Variants in TLE4 observed in about 807,000 individuals in gnomAD.
TLE4 encodes transducin-like enhancer protein 4.
Under a neutral mutation model 92.8 loss-of-function variants are expected in TLE4, and 8 were observed. The observed-to-expected ratio is 0.09, with a 90% CI of 0.05 to 0.16. The LOEUF (loss-of-function observed/expected upper bound fraction) is 0.16, where lower values mean the gene tolerates loss of function less well. TLE4 is among the 10% of genes least tolerant of loss of function. The pLI is 1.00. For synonymous variants in TLE4, 371 were observed against 374.1 expected, an observed-to-expected ratio of 0.99 and a Z score of 0.10; for missense variants, 675 against 997.6, an observed-to-expected ratio of 0.68 and a Z score of 4.36.
At chr9:79,655,975 G>A (rs1337459113) in intron 8 of TLE4, among the ~76,000 whole-genome samples, 1 of 152,190 alleles carries the variant, frequency 6.6e-6, no homozygotes, top group Non-Finnish European at 1.5e-5. Context: ...CATTCAGGGT[G>A]AGCCTGGAAA....
intron 5 of TLE4, among the ~76,000 whole-genome samples, chr9:79,615,750 G>A (rs2049413650): frequency 6.6e-6 from 1 of 152,250 alleles, no homozygotes; most frequent in East Asian, 1.9e-4. Flanking sequence ...TACTTGAAGT[G>A]TGTCTGTATA....
chr9:79,632,158 C>T (rs1403072595), intron 6 of TLE4, among the ~76,000 whole-genome samples: 1 of 152,100 alleles, frequency 6.6e-6, no homozygotes, highest in Admixed American at 6.6e-5. Context: ...GGAATCCACC[C>T]TTCACTTACA....
intron 6 of TLE4, among the ~76,000 whole-genome samples, chr9:79,635,907 G>C (rs1359588335): frequency 6.6e-6 from 1 of 152,008 alleles, no homozygotes; most frequent in Non-Finnish European, 1.5e-5. Context: ...GAAGGGAAAG[G>C]GTCTAAGCTC....
At chr9:79,657,584 G>C (rs1349946031) in intron 8 of TLE4, among the ~76,000 whole-genome samples, 3 of 152,108 alleles carry the variant, frequency 2.0e-5, no homozygotes, top group Non-Finnish European at 4.4e-5. Context: ...CAGCTGCCCA[G>C]ACTGAACCAG....
chr9:79,572,386 T>C lies in TLE4; in HGVS notation c.-405T>C, dbSNP rs2036049877. On this transcript the variant is annotated 5_prime_UTR_variant, in exon 1 of 20. Coordinates refer to ENST00000376552, the MANE Select transcript of TLE4 (RefSeq NM_007005.6). The stretch of plus-strand genomic sequence containing the variant: ...CAATTAAAAGACAAATAAAAAAAGT[T>C]TGGAGTGGGACGCAGAGCGAGCGAG... 6.6e-6 allele frequency: 1 copy of C among 151,954 alleles called. No individual in the cohort carries two copies. The highest frequency in any genetic ancestry group is 2.4e-5 in the African/African-American group (1 of 41,366). The allele number at this position is 151,954 out of a possible 1,614,324, so 9.4% of individuals were successfully genotyped here.
chr9:79,613,004 G>A (rs2048712957), intron 5 of TLE4, among the ~76,000 whole-genome samples: 1 of 152,042 alleles, frequency 6.6e-6, no homozygotes, highest in African/African-American at 2.4e-5. Context: ...AATTATGCTT[G>A]TTTGTCATAA....
chr9:79,720,372 G>C, intron 16 of TLE4, 79 bp downstream of exon 16: 1 of 1,177,000 alleles, frequency 8.5e-7, no homozygotes, highest in East Asian at 2.8e-5. Context: ...GTGTATATAG[G>C]TATGGGTGTG....
intron 4 of TLE4, among the ~76,000 whole-genome samples, chr9:79,599,956 G>A (rs1238090788): frequency 6.6e-6 from 1 of 152,128 alleles, no homozygotes; most frequent in Non-Finnish European, 1.5e-5. Context: ...CACCTATGAT[G>A]TGAGCTCCAT....
At chr9:79,721,069 A>G (rs2075553520) in intron 16 of TLE4, among the ~76,000 whole-genome samples, 2 of 152,214 alleles carry the variant, frequency 1.3e-5, no homozygotes, top group Admixed American at 1.3e-4. Context: ...AGGCTTTACT[A>G]TCTGTTATTT....
intron 4 of TLE4, among the ~76,000 whole-genome samples, chr9:79,611,252 T>C (rs1415452296): frequency 3.9e-5 from 6 of 152,038 alleles, no homozygotes; most frequent in Non-Finnish European, 8.8e-5. Flanking sequence ...AAATGCTCCA[T>C]GGGGCCAGTG....
intron 8 of TLE4, among the ~76,000 whole-genome samples, chr9:79,662,668 T>G (rs1250664187): frequency 3.3e-5 from 5 of 152,164 alleles, no homozygotes; most frequent in Admixed American, 6.5e-5. Context: ...TCCTTCGATG[T>G]AAACAAATAA....
chr9:79,648,954 C>A (rs2058508180), intron 6 of TLE4, among the ~76,000 whole-genome samples: 1 of 152,100 alleles, frequency 6.6e-6, no homozygotes, highest in Non-Finnish European at 1.5e-5. Flanking sequence ...GAGAAAAAAT[C>A]AAGAAGGATA....
intron 6 of TLE4, among the ~76,000 whole-genome samples, chr9:79,651,812 G>T (rs1346748797): frequency 6.6e-6 from 1 of 152,148 alleles, no homozygotes; most frequent in Non-Finnish European, 1.5e-5. Flanking sequence ...CTCCCTGCAT[G>T]CTGTGCAGTG....
chr9:79,613,548 A>C (rs544537563), intron 5 of TLE4, among the ~76,000 whole-genome samples: 1 of 152,300 alleles, frequency 6.6e-6, no homozygotes, highest in East Asian at 1.9e-4. Flanking sequence ...TGCTCAGGTA[A>C]GATCCACTCT....
At chr9:79,580,558 GACC>G (rs1361501137) in intron 4 of TLE4, among the ~76,000 whole-genome samples, 1 of 152,172 alleles carries the variant, frequency 6.6e-6, no homozygotes, top group African/African-American at 2.4e-5. Context: ...GTTCATTTTA[GACC>G]ACATTTCCCT....
chr9:79,602,786 T>C (rs1395925455), intron 4 of TLE4, among the ~76,000 whole-genome samples: 1 of 152,148 alleles, frequency 6.6e-6, no homozygotes, highest in African/African-American at 2.4e-5. Flanking sequence ...GAAATACATT[T>C]TGTAAGGCTG....
chr9:79,607,135 T>C (rs2047208060), intron 4 of TLE4, among the ~76,000 whole-genome samples: 1 of 152,148 alleles, frequency 6.6e-6, no homozygotes. Flanking sequence ...GTGATGAGCA[T>C]TTTTTCATAT....
At chr9:79,698,994 G>C (rs1335448685) in intron 8 of TLE4, among the ~76,000 whole-genome samples, 1 of 151,804 alleles carries the variant, frequency 6.6e-6, no homozygotes, top group Non-Finnish European at 1.5e-5. Context: ...GTGTAATTCT[G>C]TACAATAAAA....
At chr9:79,581,979 A>G (rs1006492227) in intron 4 of TLE4, among the ~76,000 whole-genome samples, 2 of 152,110 alleles carry the variant, frequency 1.3e-5, no homozygotes, top group Non-Finnish European at 2.9e-5. Flanking sequence ...CTTGCTTATC[A>G]AGATGGAATT....
Sources: gnomAD v4.1 joint callset for allele counts (sites outside exome capture counted in the v4.1 genomes callset) on GRCh38, gnomAD v4.1.1 for gene constraint, MANE v1.5 for transcripts, NCBI Gene and HGNC (gene_info 2026-07-23, HGNC 2026-07-21) for gene names.